GLUD1: variants seen among roughly 807,000 people sequenced by gnomAD.
The protein encoded by GLUD1 is glutamate dehydrogenase 1, mitochondrial.
Under a neutral mutation model 56.0 loss-of-function variants are expected in GLUD1, and 22 were observed. That is an observed-to-expected ratio of 0.39 (90% CI 0.28 to 0.56). GLUD1 has a LOEUF of 0.56. Among genes scored for constraint, GLUD1 ranks in the 20% least tolerant of loss-of-function variants. The pLI is 0.58. For missense variants in GLUD1, 451 were observed against 732.0 expected, an observed-to-expected ratio of 0.62 and a Z score of 4.43; for synonymous variants, 223 against 269.9, an observed-to-expected ratio of 0.83 and a Z score of 1.70.
intron 5 of GLUD1, among the ~76,000 whole-genome samples, chr10:87,063,952 C>A (rs866359029): frequency 1.3e-5 from 2 of 151,964 alleles, no homozygotes; most frequent in African/African-American, 4.8e-5. Context: ...AATTTCGGCT[C>A]ACTGCAAGCT....
At chr10:87,080,808 G>GTC (rs1841213420) in intron 1 of GLUD1, among the ~76,000 whole-genome samples, 1 of 151,842 alleles carries the variant, frequency 6.6e-6, no homozygotes, top group African/African-American at 2.4e-5. Context: ...GAAGTGAGGA[G>GTC]CCTCTCCGCC....
rs112553328 is a variant in GLUD1 at position 87,094,647 on chromosome 10, C to A, written c.123G>T (p.Pro41=). 2.5e-6 allele frequency: 4 copies of A among 1,603,304 alleles called. No individual in the cohort carries two copies. In the South Asian group the frequency reaches 4.4e-5, roughly 18 times the overall value. Residue 41 remains proline, a synonymous_variant, in exon 1 of 13, where the codon CCG becomes CCT. Transcript: ENST00000277865. The surrounding 1 kb of genome is among the most constrained non-coding windows in gnomAD (Gnocchi z 6.6). ...GGGCGGCCAATGCCAGCCCCGGCTG[C>A]GGGGCGGCGGCGGGCTGTCCCCGGG... ...GWARGQPAAA[P]QPGLALAARR...
intron 5 of GLUD1, among the ~76,000 whole-genome samples, chr10:87,066,890 A>G (rs1846090507): frequency 6.6e-6 from 1 of 152,144 alleles, no homozygotes; most frequent in Non-Finnish European, 1.5e-5. Context: ...TCTCATGTTC[A>G]GTTCTGTGGT....
At chr10:87,063,058 T>G (rs575000314) in intron 5 of GLUD1, among the ~76,000 whole-genome samples, 12 of 115,138 alleles carry the variant, frequency 1.0e-4, no homozygotes, top group Admixed American at 9.5e-4. Flanking sequence ...ATATTTTCTG[T>G]TTTTTTTTTT....
chr10:87,077,215 T>C (rs1846423348), intron 1 of GLUD1, among the ~76,000 whole-genome samples: 1 of 152,114 alleles, frequency 6.6e-6, no homozygotes, highest in Non-Finnish European at 1.5e-5. Flanking sequence ...CTCACCATGT[T>C]GCTCAGGCTG....
intron 3 of GLUD1, among the ~76,000 whole-genome samples, chr10:87,075,751 C>T (rs1846369666): frequency 6.6e-6 from 1 of 152,024 alleles, no homozygotes. Flanking sequence ...GTGAAATCCC[C>T]TCTCTACTAA....
In GLUD1 at chr10:87,060,505, ACT is replaced by A. The variant is rs1249302600; in HGVS notation, c.1197+181_1197+182del. ...CGTTTGTTTTGGTAATGGTTGCACAACTCTGTGCCGGTAGCTAAAAGCCATTA... is the reference window on the plus strand; with the variant it reads ...CGTTTGTTTTGGTAATGGTTGCACAACTGTGCCGGTAGCTAAAAGCCATTA... On this transcript the variant is annotated intron_variant, in intron 8 of 12. Transcript: ENST00000277865. The A allele has an allele frequency of 1.1e-5, 9 of 803,186 alleles. No individual in the cohort carries two copies. In the East Asian group the frequency reaches 1.7e-4, roughly 16 times the overall value. 49.8% of individuals were successfully genotyped at this position (803,186 alleles called of 1,614,324 possible).
chr10:87,094,240 G>A lies in GLUD1; in HGVS notation c.445+85C>T. The A allele has an allele frequency of 6.7e-7, 1 of 1,500,750 alleles. No individual in the cohort carries two copies. Among genetic ancestry groups the A allele is most frequent in the East Asian group, 2.5e-5 (1 of 40,540 alleles). 93.0% of individuals were successfully genotyped at this position (1,500,750 alleles called of 1,614,324 possible). A position where few individuals can be genotyped will look rare whatever the true frequency, so the allele number is the denominator to read the frequency against. ...CTCCAGCTGGGCTGGGCTGGGCTGA[G>A]CAGCGGCCCCGCACCGGCAGGAGGC... On this transcript the variant is annotated intron_variant, in intron 1 of 12. Coordinates refer to ENST00000277865, the MANE Select transcript of GLUD1 (RefSeq NM_005271.5). This position sits in a 1 kb window ranked among gnomAD's most constrained non-coding sequence, Gnocchi z 6.6.
intron 1 of GLUD1, among the ~76,000 whole-genome samples, chr10:87,081,399 G>A (rs1270039675): frequency 6.6e-6 from 1 of 152,100 alleles, no homozygotes; most frequent in East Asian, 1.9e-4. Context: ...GCCCCTACTG[G>A]GAAGTGAGGA....
At chr10:87,072,506 TGA>T (rs961692306) in intron 4 of GLUD1, among the ~76,000 whole-genome samples, 3 of 151,918 alleles carry the variant, frequency 2.0e-5, no homozygotes, top group Non-Finnish European at 2.9e-5. Flanking sequence ...TGCCGAGGAG[TGA>T]GAGAAAAAAC....
chr10:87,080,595 G>A (rs956701172), intron 1 of GLUD1, among the ~76,000 whole-genome samples: 7 of 149,904 alleles, frequency 4.7e-5, no homozygotes, highest in East Asian at 2.0e-4. Context: ...CCGCCGCCCC[G>A]TCTGGGATGT....
intron 1 of GLUD1, among the ~76,000 whole-genome samples, chr10:87,079,524 C>T (rs1342505184): frequency 6.6e-6 from 1 of 152,106 alleles, no homozygotes; most frequent in African/African-American, 2.4e-5. Flanking sequence ...AGTAATACCA[C>T]ATATTATTTA....
intron 1 of GLUD1, among the ~76,000 whole-genome samples, chr10:87,092,944 G>A (rs149495295): frequency 3.3e-5 from 5 of 152,294 alleles, no homozygotes; most frequent in African/African-American, 1.2e-4. Context: ...GAGACTGACG[G>A]TGTGTACATT....
chr10:87,080,090 G>T (rs865878862), intron 1 of GLUD1, among the ~76,000 whole-genome samples: 1 of 151,840 alleles, frequency 6.6e-6, no homozygotes, highest in Non-Finnish European at 1.5e-5. Flanking sequence ...GGCGCGCGCC[G>T]CCACGCCTGA....
At chr10:87,081,425 C>T (rs1385557841) in intron 1 of GLUD1, among the ~76,000 whole-genome samples, 1 of 152,200 alleles carries the variant, frequency 6.6e-6, no homozygotes, top group Non-Finnish European at 1.5e-5. Flanking sequence ...TCTGCCCAGC[C>T]ACCACCCCAT....
chr10:87,091,723 G>C (rs1841513809), intron 1 of GLUD1: 1 of 195,348 alleles, frequency 5.1e-6, no homozygotes, highest in Non-Finnish European at 9.3e-6. Context: ...GTTTCCCTTA[G>C]AGATTATTGC....
chr10:87,079,927 C>CCCCTCTCCCTCT (rs1258508340), intron 1 of GLUD1, among the ~76,000 whole-genome samples: 2 of 125,926 alleles, frequency 1.6e-5, no homozygotes, highest in Admixed American at 7.8e-5. Context: ...CCTCTCCCTC[C>CCCCTCTCCCTCT]CCCTCTCCCT....
intron 1 of GLUD1, among the ~76,000 whole-genome samples, chr10:87,085,260 C>T (rs1446610224): frequency 2.0e-5 from 3 of 151,000 alleles, no homozygotes; most frequent in African/African-American, 7.3e-5. Flanking sequence ...GCAGGAGAAT[C>T]GCTTAAACCT....
intron 4 of GLUD1, among the ~76,000 whole-genome samples, chr10:87,069,223 G>T (rs565303311): frequency 5.1e-4 from 77 of 151,940 alleles, no homozygotes; most frequent in Middle Eastern, 3.4e-3. Context: ...TTAAAAAATG[G>T]TTAAACTATT....
Sources: allele counts gnomAD v4.1 joint callset (sites outside exome capture counted in the v4.1 genomes callset), GRCh38; gene constraint gnomAD v4.1.1; non-coding constraint Gnocchi (gnomAD v3.1); transcripts MANE v1.5; gene names NCBI Gene and HGNC (gene_info 2026-07-23, HGNC 2026-07-21).